The following GJC2 variants were observed in gnomAD, a reference collection of about 807,000 sequenced individuals.
GJC2 encodes the protein gap junction gamma-2 protein.
For missense variants in GJC2, 647 were observed against 648.9 expected, an observed-to-expected ratio of 1.00 and a Z score of 0.03; for synonymous variants, 336 against 307.5, an observed-to-expected ratio of 1.09 and a Z score of -0.97.
Position 228,152,463 on chromosome 1 carries a change from GATACCA to G in GJC2, c.-20+2457_-20+2462del. 6.6e-6 allele frequency among the ~76,000 whole-genome samples: 1 copy of G among 152,218 alleles called. No homozygotes were observed. The highest frequency in any genetic ancestry group is 1.9e-4 in the East Asian group (1 of 5,152). On this transcript the variant is annotated intron_variant, in intron 1 of 1. Transcript: ENST00000366714. This position sits in a 1 kb window ranked among gnomAD's most constrained non-coding sequence, Gnocchi z 7.3. The stretch of plus-strand genomic sequence containing the variant: ...GGCCCGGCTCTGACCGGTGTCCTGA[GATACCA>G]GGACACCAGGACACTGGTCAGAGCT...
At chr1:228,155,183 G>T (rs1247056245) in intron 1 of GJC2, among the ~76,000 whole-genome samples, 2 of 152,190 alleles carry the variant, frequency 1.3e-5, no homozygotes, top group Non-Finnish European at 2.9e-5. Flanking sequence ...GTGTGTGTGC[G>T]CCTGTGCATG....
In GJC2 at chr1:228,150,397, C is replaced by G. The variant is rs2034600957; in HGVS notation, c.-20+390C>G. Among the ~76,000 whole-genome samples, 1 of 152,110 alleles carries G rather than the reference C, an allele frequency of 6.6e-6. No individual in the cohort carries two copies. Among genetic ancestry groups the G allele is most frequent in the African/African-American group, 2.4e-5 (1 of 41,384 alleles). On this transcript the variant is annotated intron_variant, in intron 1 of 1. Coordinates refer to ENST00000366714, the MANE Select transcript of GJC2 (RefSeq NM_020435.4). This position sits in a 1 kb window ranked among gnomAD's most constrained non-coding sequence, Gnocchi z 4.6. ...ACCAGCCAGCTGCATTGTGTCCAGG[C>G]CCAGTCCCCCACCCTCAGCGGCCAC...
chr1:228,158,092 C>T lies in GJC2; in HGVS notation c.334C>T (p.Arg112Cys). 3 of 1,521,828 alleles carry T rather than the reference C, an allele frequency of 2.0e-6. No homozygotes were observed. Among genetic ancestry groups the T allele is most frequent in the Non-Finnish European group, 2.6e-6 (3 of 1,134,638 alleles). 94.3% of individuals were successfully genotyped at this position (1,521,828 alleles called of 1,614,324 possible). ...LARASEQERR[R>C]ALRRRPGPRR... ...CCGTGCGTCTGAGCAGGAGCGGCGCCGCGCCCTCCGCCGCCGCCCGGGGCC... is the reference window on the plus strand; with the variant it reads ...CCGTGCGTCTGAGCAGGAGCGGCGCTGCGCCCTCCGCCGCCGCCCGGGGCC... Residue 112 changes from arginine (R) to cysteine (C), a missense_variant, in exon 2 of 2, where the codon CGC (arginine) becomes TGC (cysteine). Transcript: ENST00000366714. The surrounding 1 kb of genome is among the most constrained non-coding windows in gnomAD (Gnocchi z 8.3).
rs75396807 is a variant in GJC2, at chr1:228,152,940, G to A, written c.-20+2933G>A. ...CCTCCTCCCAGACTCTGAAGCCCAAGGGTGCCTCCAGTTCTTTGGCCAAGC... is the reference window on the plus strand; with the variant it reads ...CCTCCTCCCAGACTCTGAAGCCCAAAGGTGCCTCCAGTTCTTTGGCCAAGC... On this transcript the variant is annotated intron_variant, in intron 1 of 1. Coordinates refer to ENST00000366714, the MANE Select transcript of GJC2 (RefSeq NM_020435.4). The surrounding 1 kb of genome is among the most constrained non-coding windows in gnomAD (Gnocchi z 7.3). Among the ~76,000 whole-genome samples the A allele has an allele frequency of 0.041, 6,217 of 152,236 alleles. 372 individuals carry two copies. Among genetic ancestry groups the A allele is most frequent in the African/African-American group, 0.12 (4,810 of 41,540 alleles).
At position 228,159,065 on chromosome 1, in the gene GJC2, C is replaced by G; in HGVS notation, c.1307C>G (p.Thr436Ser). ...GCCAGCAGCAGGGACGGGAAGACCA[C>G]CGTGTGGATCTGAGGGCGCTGGCTT... Reference protein sequence around the residue: ...GSASSRDGKTTVWI With the variant: ...GSASSRDGKTSVWI Residue 436 changes from threonine (T) to serine (S), a missense_variant, in exon 2 of 2, where the codon ACC becomes AGC. Thr to Ser is a moderately conservative substitution (Grantham distance 58). Coordinates refer to ENST00000366714, the MANE Select transcript of GJC2 (RefSeq NM_020435.4). This position sits in a 1 kb window ranked among gnomAD's most constrained non-coding sequence, Gnocchi z 4.0. 6.2e-7 allele frequency: 1 copy of G among 1,610,496 alleles called. No homozygotes were observed. The highest frequency in any genetic ancestry group is 8.5e-7 in the Non-Finnish European group (1 of 1,179,688).
At chr1:228,155,679 C>CTTCCAGACCATTCCCAGGACG (rs2034669686) in intron 1 of GJC2, among the ~76,000 whole-genome samples, 1 of 152,160 alleles carries the variant, frequency 6.6e-6, no homozygotes, top group Non-Finnish European at 1.5e-5. Context: ...TTCCCAGGAC[C>CTTCCAGACCATTCCCAGGACG]ACTATGTGGG....
rs1238391746 is a variant in GJC2 at position 228,150,478 on chromosome 1, A to G, written c.-20+471A>G. On this transcript the variant is annotated intron_variant, in intron 1 of 1. Coordinates refer to ENST00000366714, the MANE Select transcript of GJC2 (RefSeq NM_020435.4). This position sits in a 1 kb window ranked among gnomAD's most constrained non-coding sequence, Gnocchi z 4.6. ...TATAGACAGACCTGGGGCCCTGCTCAGTCCCCTCCATAGAAGGCCACAAGC... is the reference window on the plus strand; with the variant it reads ...TATAGACAGACCTGGGGCCCTGCTCGGTCCCCTCCATAGAAGGCCACAAGC... Among the ~76,000 whole-genome samples the G allele has an allele frequency of 3.9e-5, 6 of 152,136 alleles. No homozygotes were observed.
rs767131250 is a variant in GJC2 at position 228,157,788 on chromosome 1, G to C, written c.30G>C (p.Thr10=). 3 of 1,398,726 alleles carry C rather than the reference G, an allele frequency of 2.1e-6. No individual in the cohort carries two copies. The highest frequency in any genetic ancestry group is 2.8e-6 in the Non-Finnish European group (3 of 1,054,590). The allele number at this position is 1,398,726 out of a possible 1,614,324, so 86.6% of individuals were successfully genotyped here. A position where few individuals can be genotyped will look rare whatever the true frequency, so the allele number is the denominator to read the frequency against. MTNMSWSFL[T]RLLEEIHNHS... The stretch of plus-strand genomic sequence containing the variant: ...CCAACATGAGCTGGAGCTTCCTGAC[G>C]CGGCTGCTGGAGGAGATCCACAACC... Residue 10 remains threonine, a synonymous_variant, in exon 2 of 2, where the codon ACG becomes ACC. Coordinates refer to ENST00000366714, the MANE Select transcript of GJC2 (RefSeq NM_020435.4).
Position 228,159,022 on chromosome 1 carries a change from G to A in GJC2, c.1264G>A (p.Gly422Ser), listed in dbSNP as rs2124967197. The A allele has an allele frequency of 6.2e-7, 1 of 1,609,110 alleles. No individual in the cohort carries two copies. The highest frequency in any genetic ancestry group is 8.5e-7 in the Non-Finnish European group (1 of 1,179,258). ...GCGGCCAGGAGCCAAGCCCAGGGCTGGCTCCGAGAAGGGCAGTGCCAGCAG... is the reference window on the plus strand; with the variant it reads ...GCGGCCAGGAGCCAAGCCCAGGGCTAGCTCCGAGAAGGGCAGTGCCAGCAG... ...HERPGAKPRA[G>S]SEKGSASSRD... The change falls in exon 2 of 2, where the codon GGC (glycine) becomes AGC (serine). Residue 422 changes from glycine to serine, a missense_variant. Physicochemically the swap from Gly to Ser is moderately conservative, Grantham distance 56. Transcript: ENST00000366714. The surrounding 1 kb of genome is among the most constrained non-coding windows in gnomAD (Gnocchi z 4.0).
rs746728543 is a variant in GJC2 at position 228,151,285 on chromosome 1, C to T, written c.-20+1278C>T. On this transcript the variant is annotated intron_variant, in intron 1 of 1. Coordinates refer to ENST00000366714, the MANE Select transcript of GJC2 (RefSeq NM_020435.4). This position sits in a 1 kb window ranked among gnomAD's most constrained non-coding sequence, Gnocchi z 5.4. ...CCCACAGACTCATACCTCCACACCA[C>T]GCTCCTCAGTGTCCCCTCACTCCCC... 2.6e-5 allele frequency among the ~76,000 whole-genome samples: 4 copies of T among 152,148 alleles called. No homozygotes were observed. Among genetic ancestry groups the T allele is most frequent in the South Asian group, 2.1e-4 (1 of 4,836 alleles).
Position 228,158,557 on chromosome 1 carries a change from T to C in GJC2, c.799T>C (p.Phe267Leu). ...FVSRPTEKTV[F>L]LLVMYVVSCL... ...GTCGCGCCCTACTGAAAAGACGGTCTTCCTGCTGGTTATGTACGTGGTCAG... is the reference window on the plus strand; with the variant it reads ...GTCGCGCCCTACTGAAAAGACGGTCCTCCTGCTGGTTATGTACGTGGTCAG... Residue 267 changes from phenylalanine to leucine, a missense_variant, in exon 2 of 2, where the codon TTC becomes CTC. Coordinates refer to ENST00000366714, the MANE Select transcript of GJC2 (RefSeq NM_020435.4). This position sits in a 1 kb window ranked among gnomAD's most constrained non-coding sequence, Gnocchi z 8.3. The C allele has an allele frequency of 6.2e-7, 1 of 1,612,726 alleles. No individual in the cohort carries two copies. The highest frequency in any genetic ancestry group is 8.5e-7 in the Non-Finnish European group (1 of 1,179,522).
rs1049982719 is a variant in GJC2 at position 228,151,617 on chromosome 1, G to T, written c.-20+1610G>T. 1.3e-5 allele frequency among the ~76,000 whole-genome samples: 2 copies of T among 152,128 alleles called. No homozygotes were observed. The highest frequency in any genetic ancestry group is 2.9e-5 in the Non-Finnish European group (2 of 68,014). Reference sequence around the variant, plus strand: ...TGTGTGTGGGGGGGTGGAGGGAGGAGCGTGCCCTGTGTGTACATGTGAAGG... The same window carrying T: ...TGTGTGTGGGGGGGTGGAGGGAGGATCGTGCCCTGTGTGTACATGTGAAGG... On this transcript the variant is annotated intron_variant, in intron 1 of 1. Transcript: ENST00000366714. This position sits in a 1 kb window ranked among gnomAD's most constrained non-coding sequence, Gnocchi z 5.4.
Position 228,159,337 on chromosome 1 carries a change from G to A in GJC2, c.*259G>A, listed in dbSNP as rs1436328473. On this transcript the variant is annotated 3_prime_UTR_variant, in exon 2 of 2. Coordinates refer to ENST00000366714, the MANE Select transcript of GJC2 (RefSeq NM_020435.4). The surrounding 1 kb of genome is among the most constrained non-coding windows in gnomAD (Gnocchi z 4.0). Reference sequence around the variant, plus strand: ...TCTGCTGTGGTCTGAACCCCAGGGGGAGTGGGGCATTGACTCCACCCCTGT... The same window carrying A: ...TCTGCTGTGGTCTGAACCCCAGGGGAAGTGGGGCATTGACTCCACCCCTGT... The A allele has an allele frequency of 3.7e-6, 2 of 541,978 alleles. No homozygotes were observed. The highest frequency in any genetic ancestry group is 4.0e-5 in the African/African-American group (2 of 50,462). The allele number at this position is 541,978 out of a possible 1,614,324, so 33.6% of individuals were successfully genotyped here. A position where few individuals can be genotyped will look rare whatever the true frequency, so the allele number is the denominator to read the frequency against.
chr1:228,158,595 G>C lies in GJC2; in HGVS notation c.837G>C (p.Leu279=), dbSNP rs754510168. 6.2e-7 allele frequency: 1 copy of C among 1,611,752 alleles called. No individual in the cohort carries two copies. The highest frequency in any genetic ancestry group is 1.7e-5 in the Admixed American group (1 of 59,946). ...TGTACGTGGTCAGCTGCCTGTGCCTGCTGCTCAACCTCTGTGAGATGGCCC... is the reference window on the plus strand; with the variant it reads ...TGTACGTGGTCAGCTGCCTGTGCCTCCTGCTCAACCTCTGTGAGATGGCCC... ...LVMYVVSCLC[L]LLNLCEMAHL... The change falls in exon 2 of 2, where the codon CTG becomes CTC. Residue 279 remains leucine, a synonymous_variant. Coordinates refer to ENST00000366714, the MANE Select transcript of GJC2 (RefSeq NM_020435.4). This position sits in a 1 kb window ranked among gnomAD's most constrained non-coding sequence, Gnocchi z 8.3.
rs930247875 is a variant in GJC2, at chr1:228,159,234, C to T, written c.*156C>T. 1.1e-6 allele frequency: 1 copy of T among 900,550 alleles called. No homozygotes were observed. Among genetic ancestry groups the T allele is most frequent in the Non-Finnish European group, 1.7e-6 (1 of 591,736 alleles). The allele number at this position is 900,550 out of a possible 1,614,324, so 55.8% of individuals were successfully genotyped here. On this transcript the variant is annotated 3_prime_UTR_variant, in exon 2 of 2. Coordinates refer to ENST00000366714, the MANE Select transcript of GJC2 (RefSeq NM_020435.4). This position sits in a 1 kb window ranked among gnomAD's most constrained non-coding sequence, Gnocchi z 4.0. ...GGCTGCTCAGGGAAGGGGCTGAAAG[C>T]GGCAGAGGAGTGCCCTGGCTTGGTC...
chr1:228,156,917 C>G (rs2124965392), intron 1 of GJC2, among the ~76,000 whole-genome samples: 1 of 152,386 alleles, frequency 6.6e-6, no homozygotes, highest in Admixed American at 6.5e-5. Flanking sequence ...CCTCACATCA[C>G]TGGGTCTATA....
chr1:228,152,375 G>A lies in GJC2; in HGVS notation c.-20+2368G>A, dbSNP rs144664562. On this transcript the variant is annotated intron_variant, in intron 1 of 1. Coordinates refer to ENST00000366714, the MANE Select transcript of GJC2 (RefSeq NM_020435.4). The surrounding 1 kb of genome is among the most constrained non-coding windows in gnomAD (Gnocchi z 7.3). ...TGCTACACCCAGCAGGGCGGGGCTC[G>A]TTCTGCAGTGCCTCAGGACCCTTGT... is the stretch of plus-strand genomic sequence containing the variant. Among the ~76,000 whole-genome samples, 37 of 152,232 alleles carry A rather than the reference G, an allele frequency of 2.4e-4. No individual in the cohort carries two copies. The highest frequency in any genetic ancestry group is 6.7e-4 in the African/African-American group (28 of 41,544).
In GJC2 at chr1:228,159,306, G is replaced by A; in HGVS notation, c.*228G>A. On this transcript the variant is annotated 3_prime_UTR_variant, in exon 2 of 2. Transcript: ENST00000366714. This position sits in a 1 kb window ranked among gnomAD's most constrained non-coding sequence, Gnocchi z 4.0. ...TGGAGAGAGGCCTAGGAGCCAGAAAGGGCCCTCTGCTGTGGTCTGAACCCC... is the reference window on the plus strand; with the variant it reads ...TGGAGAGAGGCCTAGGAGCCAGAAAAGGCCCTCTGCTGTGGTCTGAACCCC... 1 of 591,094 alleles carries A rather than the reference G, an allele frequency of 1.7e-6. No homozygotes were observed. The allele number at this position is 591,094 out of a possible 1,614,324, so 36.6% of individuals were successfully genotyped here.
chr1:228,159,164 C>T lies in GJC2; in HGVS notation c.*86C>T. 1.4e-6 allele frequency: 2 copies of T among 1,479,212 alleles called. No individual in the cohort carries two copies. The highest frequency in any genetic ancestry group is 1.2e-5 in the South Asian group (1 of 84,200). 91.6% of individuals were successfully genotyped at this position (1,479,212 alleles called of 1,614,324 possible). ...TGCGACCCCTTCTCCTCAGCCTTCTCCTTAGCCGGTGGCCTCAGGCAGACT... is the reference window on the plus strand; with the variant it reads ...TGCGACCCCTTCTCCTCAGCCTTCTTCTTAGCCGGTGGCCTCAGGCAGACT... On this transcript the variant is annotated 3_prime_UTR_variant, in exon 2 of 2. Transcript: ENST00000366714. This position sits in a 1 kb window ranked among gnomAD's most constrained non-coding sequence, Gnocchi z 4.0.
Sources: allele counts gnomAD v4.1 joint callset (sites outside exome capture counted in the v4.1 genomes callset), GRCh38; gene constraint gnomAD v4.1.1; non-coding constraint Gnocchi (gnomAD v3.1); transcripts MANE v1.5; gene names NCBI Gene and HGNC (gene_info 2026-07-23, HGNC 2026-07-21).